Variants in DLGAP1 observed in about 807,000 individuals in gnomAD.
DLGAP1 encodes the protein DLG associated protein 1.
DLGAP1 carries 11 observed loss-of-function variants against 90.8 expected under a neutral mutation model. The ratio of observed to expected loss-of-function variants is 0.12; its 90% CI spans 0.08 to 0.20. DLGAP1 has a LOEUF of 0.20. Among genes scored for constraint, DLGAP1 ranks in the 10% least tolerant of loss-of-function variants. DLGAP1 has a pLI of 1.00. For missense variants in DLGAP1, 1,050 were observed against 1,333.8 expected (o/e 0.79, Z 3.31); for synonymous variants, 558 against 540.7 (o/e 1.03, Z -0.44).
At chr18:3,735,963 C>T (rs998401866) in intron 6 of DLGAP1, among the ~76,000 whole-genome samples, 6 of 152,068 alleles carry the variant, frequency 3.9e-5, no homozygotes, top group Admixed American at 6.6e-5. Flanking sequence ...CACACACACA[C>T]ACACGCAAGC....
chr18:3,674,660 A>T (rs887980674), intron 7 of DLGAP1, among the ~76,000 whole-genome samples: 2 of 151,668 alleles, frequency 1.3e-5, no homozygotes, highest in Non-Finnish European at 2.9e-5. Flanking sequence ...CACCACTACC[A>T]CCTTTACCAC....
At position 3,531,495 on chromosome 18, in the gene DLGAP1, T is replaced by C. The variant is rs150884001; in HGVS notation, c.2479+2699A>G. On this transcript the variant is annotated intron_variant, in intron 10 of 12. Coordinates refer to ENST00000315677, the MANE Select transcript of DLGAP1 (RefSeq NM_004746.4). ...GATAATGCATGATAATATTTTACCT[T>C]TTTTTGAGTCGGAGTCTCACTCTGT... is the stretch of plus-strand genomic sequence containing the variant. Among the ~76,000 whole-genome samples the C allele has an allele frequency of 1.8e-4, 28 of 152,202 alleles. 1 individual carries two copies. In the East Asian group the frequency reaches 5.4e-3, roughly 29 times the overall value.
intron 1 of DLGAP1, among the ~76,000 whole-genome samples, chr18:4,162,849 C>G (rs563130334): frequency 1.8e-4 from 28 of 152,166 alleles, no homozygotes; most frequent in Middle Eastern, 6.8e-3. Flanking sequence ...CTCTACTAAG[C>G]CTGTTCCTTA....
intron 1 of DLGAP1, among the ~76,000 whole-genome samples, chr18:4,329,326 AT>A (rs962053215): frequency 2.0e-5 from 3 of 151,766 alleles, no homozygotes; most frequent in Non-Finnish European, 4.4e-5. Context: ...ATATTCCTGA[AT>A]TTTTTATTTT....
chr18:4,004,623 T>C (rs2074263590), intron 3 of DLGAP1, among the ~76,000 whole-genome samples: 1 of 152,120 alleles, frequency 6.6e-6, no homozygotes, highest in South Asian at 2.1e-4. Context: ...ACAGAGGGCG[T>C]CTCTATTCTA....
rs869170460 is a variant in DLGAP1 at position 3,897,778 on chromosome 18, ATTTTTTT to A, written c.-72-17645_-72-17639del. Among the ~76,000 whole-genome samples, 630 of 94,490 alleles carry A rather than the reference ATTTTTTT, an allele frequency of 6.7e-3. 3 individuals carry two copies. The highest frequency in any genetic ancestry group is 0.024 in the African/African-American group (583 of 24,102). 62.0% of individuals were successfully genotyped at this position (94,490 alleles called of 152,430 possible). A position where few individuals can be genotyped will look rare whatever the true frequency, so the allele number is the denominator to read the frequency against. On this transcript the variant is annotated intron_variant, in intron 3 of 12. Coordinates refer to ENST00000315677, the MANE Select transcript of DLGAP1 (RefSeq NM_004746.4). ...GACCCAGAAGTGTTTCGAATTTCTGATTTTTTTTTTTTTTTTTTTTTTTTTTTGAGAC... is the reference window on the plus strand; with the variant it reads ...GACCCAGAAGTGTTTCGAATTTCTGATTTTTTTTTTTTTTTTTTTTGAGAC...
At chr18:4,286,874 G>A (rs1300298736) in intron 1 of DLGAP1, among the ~76,000 whole-genome samples, 1 of 152,160 alleles carries the variant, frequency 6.6e-6, no homozygotes, top group African/African-American at 2.4e-5. Flanking sequence ...GAAATACAGT[G>A]GCCAGGGAAA....
chr18:4,202,384 G>T (rs1215895225), intron 1 of DLGAP1, among the ~76,000 whole-genome samples: 3 of 152,186 alleles, frequency 2.0e-5, no homozygotes, highest in Non-Finnish European at 2.9e-5. Context: ...ATTACCTGTT[G>T]GGTACAATGT....
chr18:3,976,816 C>A (rs1187973791), intron 3 of DLGAP1, among the ~76,000 whole-genome samples: 1 of 152,144 alleles, frequency 6.6e-6, no homozygotes, highest in African/African-American at 2.4e-5. Flanking sequence ...ATAACGTTAT[C>A]AGCAAGTTAT....
intron 2 of DLGAP1, among the ~76,000 whole-genome samples, chr18:4,029,893 T>C (rs7237452): frequency 0.58 from 87,684 of 152,004 alleles, 26,316 homozygotes; most frequent in African/African-American, 0.75. Flanking sequence ...GCATTCCTTT[T>C]GGTTTTCTTT....
At chr18:3,503,024 T>C (rs1190980878) in intron 11 of DLGAP1, among the ~76,000 whole-genome samples, 2 of 152,216 alleles carry the variant, frequency 1.3e-5, no homozygotes, top group African/African-American at 4.8e-5. Flanking sequence ...TATTAGAGTT[T>C]GTATTCCACT....
Position 3,821,541 on chromosome 18 carries a change from A to T in DLGAP1, c.958-7268T>A, listed in dbSNP as rs947699120. Among the ~76,000 whole-genome samples the T allele has an allele frequency of 6.6e-5, 10 of 152,192 alleles. 1 individual carries two copies. In the South Asian group the frequency reaches 2.1e-3, roughly 31 times the overall value. On this transcript the variant is annotated intron_variant, in intron 4 of 12. Coordinates refer to ENST00000315677, the MANE Select transcript of DLGAP1 (RefSeq NM_004746.4). ...AAATAAGCATAAACGTTCTCGTGTC[A>T]CTAATTTTCTAGCACTGCTAAAAGA... is the stretch of plus-strand genomic sequence containing the variant.
At chr18:4,101,040 G>A (rs2075771273) in intron 2 of DLGAP1, among the ~76,000 whole-genome samples, 1 of 152,078 alleles carries the variant, frequency 6.6e-6, no homozygotes, top group Non-Finnish European at 1.5e-5. Context: ...CATTTACTGG[G>A]GCAGCACTTT....
intron 3 of DLGAP1, among the ~76,000 whole-genome samples, chr18:3,951,156 G>A (rs2073789632): frequency 6.6e-6 from 1 of 152,206 alleles, no homozygotes; most frequent in African/African-American, 2.4e-5. Flanking sequence ...TAATGCAATT[G>A]ATCTAGAGCT....
In DLGAP1 at chr18:3,653,232, T is replaced by C. The variant is rs2059374294; in HGVS notation, c.1592-70984A>G. ...TTGCTGTGAGTGGTTTTTCCTTCCC[T>C]GCCATTGGTGCGACTGTTTCCCCCT... On this transcript the variant is annotated intron_variant, in intron 7 of 12. Transcript: ENST00000315677. This position sits in a 1 kb window ranked among gnomAD's most constrained non-coding sequence, Gnocchi z 4.6. 6.6e-6 allele frequency among the ~76,000 whole-genome samples: 1 copy of C among 152,174 alleles called. No individual in the cohort carries two copies. The highest frequency in any genetic ancestry group is 1.5e-5 in the Non-Finnish European group (1 of 68,022).
chr18:4,273,302 C>T (rs1329663626), intron 1 of DLGAP1, among the ~76,000 whole-genome samples: 2 of 152,210 alleles, frequency 1.3e-5, no homozygotes, highest in South Asian at 2.1e-4. Flanking sequence ...CCCGCTCTTG[C>T]TTCCCCAGCA....
chr18:3,522,935 G>A (rs1314540378), intron 10 of DLGAP1, among the ~76,000 whole-genome samples: 1 of 152,118 alleles, frequency 6.6e-6, no homozygotes, highest in Non-Finnish European at 1.5e-5. Context: ...ACTCCCAGAA[G>A]AAAACGGAAG....
At chr18:3,623,092 A>T (rs2058158565) in intron 7 of DLGAP1, among the ~76,000 whole-genome samples, 1 of 151,918 alleles carries the variant, frequency 6.6e-6, no homozygotes, top group Admixed American at 6.6e-5. Flanking sequence ...CGCGTGAGCC[A>T]CCAGCCTGGC....
At chr18:3,643,498 C>T (rs899369792) in intron 7 of DLGAP1, among the ~76,000 whole-genome samples, 3 of 151,732 alleles carry the variant, frequency 2.0e-5, no homozygotes, top group African/African-American at 7.3e-5. Flanking sequence ...CTCGTCTCTA[C>T]TAAAAATACA....
Sources: allele counts gnomAD v4.1 joint callset (sites outside exome capture counted in the v4.1 genomes callset), GRCh38; gene constraint gnomAD v4.1.1; non-coding constraint Gnocchi (gnomAD v3.1); transcripts MANE v1.5; gene names NCBI Gene and HGNC (gene_info 2026-07-23, HGNC 2026-07-21).